FBXL7: variants seen among roughly 807,000 people sequenced by gnomAD.
FBXL7 encodes the protein F-box and leucine rich repeat protein 7, also known as F-box/LRR-repeat protein 7.
FBXL7 carries 12 observed loss-of-function variants against 38.3 expected under a neutral mutation model. The observed-to-expected ratio is 0.31, with a 90% CI of 0.20 to 0.51. The LOEUF (loss-of-function observed/expected upper bound fraction) is 0.51, where lower values mean the gene tolerates loss of function less well. FBXL7 is among the 20% of genes least tolerant of loss of function. FBXL7 has a pLI of 0.98. For synonymous variants in FBXL7, 297 were observed against 300.9 expected, an observed-to-expected ratio of 0.99 and a Z score of 0.13; for missense variants, 567 against 676.4, an observed-to-expected ratio of 0.84 and a Z score of 1.79.
chr5:15,532,991 G>T (rs1225771388), intron 1 of FBXL7, among the ~76,000 whole-genome samples: 1 of 152,188 alleles, frequency 6.6e-6, no homozygotes, highest in African/African-American at 2.4e-5. Context: ...ACTGAGAGAG[G>T]AGATGCAGGG....
chr5:15,675,276 C>T (rs1742614355), intron 2 of FBXL7, among the ~76,000 whole-genome samples: 1 of 152,170 alleles, frequency 6.6e-6, no homozygotes, highest in Admixed American at 6.5e-5. Context: ...CTTGTATCCC[C>T]TGACTGTTAA....
At chr5:15,737,142 C>T (rs569385013) in intron 2 of FBXL7, among the ~76,000 whole-genome samples, 3 of 152,250 alleles carry the variant, frequency 2.0e-5, no homozygotes, top group African/African-American at 7.2e-5. Flanking sequence ...CTCTTAATCT[C>T]TTCCCTATAG....
intron 2 of FBXL7, among the ~76,000 whole-genome samples, chr5:15,644,538 CAG>C (rs113093652): frequency 0.15 from 21,782 of 148,530 alleles, 1,851 homozygotes; most frequent in East Asian, 0.45. Context: ...GGTGGGGGGA[CAG>C]AGAGAGAGAG....
rs143890406 is a variant in FBXL7, at chr5:15,895,606, T to C, written c.128-32284T>C. 5.7e-4 allele frequency among the ~76,000 whole-genome samples: 87 copies of C among 151,902 alleles called. 1 individual carries two copies. The East Asian group carries it at 0.016, about 28-fold the overall frequency. On this transcript the variant is annotated intron_variant, in intron 2 of 3. Transcript: ENST00000504595. ...TGTTGCCTTACAAATGATCACCCAT[T>C]TTTGATGCTTAGGGCCCTTTTTCAT...
chr5:15,879,530 C>A (rs562102505), intron 2 of FBXL7, among the ~76,000 whole-genome samples: 3 of 152,136 alleles, frequency 2.0e-5, no homozygotes, highest in Non-Finnish European at 2.9e-5. Context: ...CTTTAGGGAA[C>A]AAAATCTTTG....
At chr5:15,855,016 GA>G (rs1739214625) in intron 2 of FBXL7, among the ~76,000 whole-genome samples, 1 of 151,938 alleles carries the variant, frequency 6.6e-6, no homozygotes, top group Admixed American at 6.6e-5. Flanking sequence ...CCTCATATTA[GA>G]AACAAGTCAA....
At chr5:15,589,055 A>G (rs1297304035) in intron 1 of FBXL7, among the ~76,000 whole-genome samples, 1 of 152,214 alleles carries the variant, frequency 6.6e-6, no homozygotes, top group Non-Finnish European at 1.5e-5. Context: ...AATGACGTAC[A>G]AAGTATGCTA....
At chr5:15,548,234 G>C (rs1207351979) in intron 1 of FBXL7, among the ~76,000 whole-genome samples, 2 of 152,138 alleles carry the variant, frequency 1.3e-5, no homozygotes, top group Non-Finnish European at 2.9e-5. Flanking sequence ...GCTTTGAAGG[G>C]TGAAACCAAG....
chr5:15,650,775 C>T (rs1426762089), intron 2 of FBXL7, among the ~76,000 whole-genome samples: 1 of 152,188 alleles, frequency 6.6e-6, no homozygotes, highest in Non-Finnish European at 1.5e-5. Flanking sequence ...TAAGAAGCAA[C>T]TCCTCTTCTT....
intron 2 of FBXL7, among the ~76,000 whole-genome samples, chr5:15,764,862 T>C (rs1371252049): frequency 6.6e-6 from 1 of 152,220 alleles, no homozygotes; most frequent in African/African-American, 2.4e-5. Context: ...TACAAGCTTT[T>C]CCTCTAAAGG....
intron 2 of FBXL7, among the ~76,000 whole-genome samples, chr5:15,646,993 T>A (rs922877168): frequency 2.6e-5 from 4 of 152,214 alleles, no homozygotes; most frequent in African/African-American, 9.6e-5. Flanking sequence ...AGTCTGGTCT[T>A]CAAGTATTAA....
rs181222194 is a variant in FBXL7 at position 15,562,855 on chromosome 5, A to C, written c.38-53128A>C. 2.0e-3 allele frequency among the ~76,000 whole-genome samples: 306 copies of C among 152,270 alleles called. 1 individual carries two copies. Among genetic ancestry groups the C allele is most frequent in the Non-Finnish European group, 3.2e-3 (220 of 68,000 alleles). Reference sequence around the variant, plus strand: ...AAAATCCCTGCCTTAATGGGACTTAAGTTCCAGGTGGAGACACAGATGTTA... The same window carrying C: ...AAAATCCCTGCCTTAATGGGACTTACGTTCCAGGTGGAGACACAGATGTTA... On this transcript the variant is annotated intron_variant, in intron 1 of 3. Transcript: ENST00000504595.
intron 1 of FBXL7, among the ~76,000 whole-genome samples, chr5:15,553,402 A>G (rs1202869077): frequency 6.6e-6 from 1 of 152,204 alleles, no homozygotes; most frequent in African/African-American, 2.4e-5. Context: ...TGCGTATTGT[A>G]TCTTCAACTT....
intron 2 of FBXL7, among the ~76,000 whole-genome samples, chr5:15,704,855 CT>C (rs1226939778): frequency 6.6e-6 from 1 of 152,096 alleles, no homozygotes; most frequent in Non-Finnish European, 1.5e-5. Context: ...TACCTAATTT[CT>C]CAATCCCACC....
intron 2 of FBXL7, among the ~76,000 whole-genome samples, chr5:15,790,410 G>C (rs1028899461): frequency 6.6e-6 from 1 of 152,056 alleles, no homozygotes; most frequent in South Asian, 2.1e-4. Flanking sequence ...TAGAGTTGTC[G>C]TGAGCTTTAA....
In FBXL7 at chr5:15,738,388, G is replaced by A. The variant is rs907855770; in HGVS notation, c.127+122316G>A. Among the ~76,000 whole-genome samples, 3 of 152,184 alleles carry A rather than the reference G, an allele frequency of 2.0e-5. No individual in the cohort carries two copies. The East Asian group carries it at 5.8e-4, about 29-fold the overall frequency. ...AGGAACCTATCATACCTAATTGTAA[G>A]CCCTGATGTTTCAGTGGGTGGTTTC... On this transcript the variant is annotated intron_variant, in intron 2 of 3. Coordinates refer to ENST00000504595, the MANE Select transcript of FBXL7 (RefSeq NM_012304.5).
Position 15,670,779 on chromosome 5 carries a change from T to G in FBXL7, c.127+54707T>G, listed in dbSNP as rs184165263. On this transcript the variant is annotated intron_variant, in intron 2 of 3. Transcript: ENST00000504595. ...TCATGCCACTGCACTTCAGCCTGGG[T>G]GACAGAGTGAGACTCCCACTCAAAA... Among the ~76,000 whole-genome samples, 58 of 151,712 alleles carry G rather than the reference T, an allele frequency of 3.8e-4. No individual in the cohort carries two copies. In the East Asian group the frequency reaches 4.7e-3, roughly 12 times the overall value.
intron 2 of FBXL7, among the ~76,000 whole-genome samples, chr5:15,645,117 G>A (rs540325432): frequency 6.6e-6 from 1 of 152,182 alleles, no homozygotes; most frequent in South Asian, 2.1e-4. Context: ...ATCATTTTCT[G>A]TTTTTGTTGT....
chr5:15,550,125 T>C (rs1738020034), intron 1 of FBXL7, among the ~76,000 whole-genome samples: 1 of 152,196 alleles, frequency 6.6e-6, no homozygotes, highest in Non-Finnish European at 1.5e-5. Context: ...AGGTTACACT[T>C]TTCTTTCCAC....
Sources: allele counts gnomAD v4.1 joint callset (sites outside exome capture counted in the v4.1 genomes callset), GRCh38; gene constraint gnomAD v4.1.1; transcripts MANE v1.5; gene names NCBI Gene and HGNC (gene_info 2026-07-23, HGNC 2026-07-21).